Variants in SLC38A8 observed in about 807,000 individuals in gnomAD.
The protein encoded by SLC38A8 is solute carrier family 38 member 8, also known as amino acid transporter SLC38A8.
Under a neutral mutation model 46.0 loss-of-function variants are expected in SLC38A8, and 65 were observed. The observed-to-expected ratio is 1.41, with a 90% CI of 1.16 to 1.74. The LOEUF is 1.74. Ranked by LOEUF, SLC38A8 falls within the 40% of genes most tolerant of loss-of-function variation. The pLI is 0.00. For missense variants in SLC38A8, 998 were observed against 567.9 expected (o/e 1.76, Z -7.70); for synonymous variants, 447 against 243.7 (o/e 1.83, Z -7.77).
chr16:84,042,210 C>T, intron 1 of SLC38A8, 51 bp from the exon 2 acceptor site: 1 of 1,536,868 alleles, frequency 6.5e-7, no homozygotes, highest in Non-Finnish European at 8.8e-7. Flanking sequence ...CGCTTTCCTC[C>T]CTAAGTTCTC....
intron 9 of SLC38A8, among the ~76,000 whole-genome samples, chr16:84,014,035 G>T (rs547398545): frequency 6.6e-6 from 1 of 151,954 alleles, no homozygotes; most frequent in African/African-American, 2.4e-5. Flanking sequence ...AGAGCCTGAG[G>T]GAAGGGCTGT....
At position 84,031,860 on chromosome 16, in the gene SLC38A8, G is replaced by T. The variant is rs945611062; in HGVS notation, c.632+7C>A. 6.2e-7 allele frequency: 1 copy of T among 1,613,558 alleles called. No individual in the cohort carries two copies. The highest frequency in any genetic ancestry group is 8.5e-7 in the Non-Finnish European group (1 of 1,179,568). On this transcript the variant is annotated splice_region_variant and intron_variant, in intron 5 of 10. Coordinates refer to ENST00000299709, the MANE Select transcript of SLC38A8 (RefSeq NM_001080442.3). ...GAGGCTGCCGGAAGCTGTTCCCTCAGACTTACCTCAGTGAAGGATGGGACT... is the reference window on the plus strand; with the variant it reads ...GAGGCTGCCGGAAGCTGTTCCCTCATACTTACCTCAGTGAAGGATGGGACT...
At position 84,012,646 on chromosome 16, in the gene SLC38A8, G is replaced by A. The variant is rs192792072; in HGVS notation, c.1214+355C>T. Among the ~76,000 whole-genome samples the A allele has an allele frequency of 2.6e-3, 395 of 152,320 alleles. 5 individuals carry two copies. The highest frequency in any genetic ancestry group is 9.1e-3 in the African/African-American group (379 of 41,572). On this transcript the variant is annotated intron_variant, in intron 10 of 10. Transcript: ENST00000299709. ...GATGATGGTGTCTGGCCGGCCATGG[G>A]GCCTTTCTAACCCAGCCTGCACCCT...
At chr16:84,017,495 C>T (rs528286037) in intron 7 of SLC38A8, among the ~76,000 whole-genome samples, 126 of 152,312 alleles carry the variant, frequency 8.3e-4, no homozygotes, top group African/African-American at 2.9e-3. Context: ...CAGACAAATC[C>T]GCCACTTATC....
At chr16:84,018,333 C>T (rs1162891840) in intron 7 of SLC38A8, among the ~76,000 whole-genome samples, 2 of 149,298 alleles carry the variant, frequency 1.3e-5, no homozygotes, top group Non-Finnish European at 3.0e-5. Flanking sequence ...CCTGGGTTCA[C>T]GCCATTCTCC....
Position 84,022,740 on chromosome 16 carries a change from CCACCCTCTGCAGGGG to C in SLC38A8, c.805+20_805+34del, listed in dbSNP as rs778274935. ...TTACTCTTGTTTCTACTGTCACTCC[CCACCCTCTGCAGGGG>C]TGCCTGGGAAGGGCCTTACCCGTCA... On this transcript the variant is annotated intron_variant, in intron 7 of 10. Coordinates refer to ENST00000299709, the MANE Select transcript of SLC38A8 (RefSeq NM_001080442.3). 34 of 1,554,120 alleles carry C rather than the reference CCACCCTCTGCAGGGG, an allele frequency of 2.2e-5. No homozygotes were observed. In the Admixed American group the frequency reaches 5.5e-4, roughly 25 times the overall value.
intron 5 of SLC38A8, 147 bp from the exon 6 acceptor site, chr16:84,029,698 G>A (rs2085215112): frequency 1.3e-6 from 1 of 778,522 alleles, no homozygotes; most frequent in Non-Finnish European, 2.1e-6. Context: ...TCCGTGACCG[G>A]GCTTTTGGAA....
chr16:84,013,074 C>G, intron 9 of SLC38A8, 22 bp from the exon 10 acceptor site: 1 of 1,613,864 alleles, frequency 6.2e-7, no homozygotes. Context: ...ACAGGGTCAC[C>G]CACAGTTCTT....
At chr16:84,023,621 C>T (rs115858179) in intron 6 of SLC38A8, among the ~76,000 whole-genome samples, 329 of 152,310 alleles carry the variant, frequency 2.2e-3, no homozygotes, top group African/African-American at 7.4e-3. Flanking sequence ...GTGCCGGGCA[C>T]GCTGGCTCGC....
chr16:84,035,146 G>A (rs979685433), intron 3 of SLC38A8, among the ~76,000 whole-genome samples: 28 of 152,278 alleles, frequency 1.8e-4, no homozygotes, highest in African/African-American at 5.3e-4. Flanking sequence ...AGGGGGCTCC[G>A]CTCCCAGTGA....
intron 7 of SLC38A8, among the ~76,000 whole-genome samples, chr16:84,020,621 A>T (rs1342201764): frequency 6.6e-6 from 1 of 152,192 alleles, no homozygotes; most frequent in African/African-American, 2.4e-5. Flanking sequence ...TGGTGCAGCG[A>T]GGATCTCTGT....
intron 7 of SLC38A8, among the ~76,000 whole-genome samples, chr16:84,020,894 A>G (rs1052044584): frequency 7.9e-5 from 12 of 152,198 alleles, no homozygotes; most frequent in Admixed American, 7.9e-4. Context: ...GCCAGGCTGA[A>G]AGAGTTCCAG....
chr16:84,024,006 C>T lies in SLC38A8; in HGVS notation c.691-1117G>A, dbSNP rs141061473. Among the ~76,000 whole-genome samples, 319 of 152,346 alleles carry T rather than the reference C, an allele frequency of 2.1e-3. 2 individuals carry two copies. The highest frequency in any genetic ancestry group is 3.0e-3 in the Admixed American group (46 of 15,306). On this transcript the variant is annotated intron_variant, in intron 6 of 10. Coordinates refer to ENST00000299709, the MANE Select transcript of SLC38A8 (RefSeq NM_001080442.3). ...TTCTCAGCCTTGACACGATTGATGT[C>T]TGGTGTGGGTTAACTCTTGGCAGCC...
chr16:84,039,046 G>A (rs781204793), intron 2 of SLC38A8, among the ~76,000 whole-genome samples: 2 of 152,170 alleles, frequency 1.3e-5, no homozygotes, highest in East Asian at 1.9e-4. Context: ...AGGTCATCTT[G>A]GATCTGGTGG....
rs371344960 is a variant in SLC38A8, at chr16:84,036,798, G to C, written c.292C>G (p.Pro98Ala). 6.8e-6 allele frequency: 11 copies of C among 1,614,018 alleles called. No individual in the cohort carries two copies. Among genetic ancestry groups the C allele is most frequent in the Non-Finnish European group, 9.3e-6 (11 of 1,180,032 alleles). ...YQGVVRGLCG[P>A]AIGKLCEACF... is the part of the protein sequence containing the mutation. The stretch of plus-strand genomic sequence containing the variant: ...GCCTCACACAGCTTCCCAATGGCAG[G>C]GCCACACAGCCCCCTGACCACACCC... Residue 98 changes from proline (P) to alanine (A), a missense_variant, in exon 3 of 11, where the codon CCT becomes GCT. By Grantham distance (27) the Pro-to-Ala change is conservative. Transcript: ENST00000299709.
intron 7 of SLC38A8, among the ~76,000 whole-genome samples, chr16:84,022,442 G>C (rs184964878): frequency 1.3e-5 from 2 of 152,286 alleles, no homozygotes; most frequent in East Asian, 3.9e-4. Flanking sequence ...TGTAATGACG[G>C]ACAGCAGTCA....
chr16:84,018,097 A>G (rs1222338095), intron 7 of SLC38A8, among the ~76,000 whole-genome samples: 1 of 152,134 alleles, frequency 6.6e-6, no homozygotes, highest in Non-Finnish European at 1.5e-5. Flanking sequence ...TCCTACAGTT[A>G]TGAAGGCTGA....
intron 5 of SLC38A8, among the ~76,000 whole-genome samples, chr16:84,030,760 G>T (rs1190272191): frequency 2.0e-5 from 3 of 152,126 alleles, no homozygotes; most frequent in Non-Finnish European, 4.4e-5. Context: ...GAATATGCGG[G>T]GACCCTTGTT....
Position 84,031,980 on chromosome 16 carries a change from A to C in SLC38A8, c.531-12T>G. 1 of 1,612,712 alleles carries C rather than the reference A, an allele frequency of 6.2e-7. No homozygotes were observed. The highest frequency in any genetic ancestry group is 8.5e-7 in the Non-Finnish European group (1 of 1,178,810). Reference sequence around the variant, plus strand: ...GAGTGCCTAGGATGCTAACACAGTGACCGTGTGAGGGGCTGCGCAGTGGGT... The same window carrying C: ...GAGTGCCTAGGATGCTAACACAGTGCCCGTGTGAGGGGCTGCGCAGTGGGT... On this transcript the variant is annotated splice_polypyrimidine_tract_variant and intron_variant, in intron 4 of 10. Transcript: ENST00000299709.
Sources: gnomAD v4.1 joint callset for allele counts (sites outside exome capture counted in the v4.1 genomes callset) on GRCh38, gnomAD v4.1.1 for gene constraint, MANE v1.5 for transcripts, NCBI Gene and HGNC (gene_info 2026-07-23, HGNC 2026-07-21) for gene names.